EVL: variants seen among roughly 807,000 people sequenced by gnomAD.
EVL encodes the protein Enah/Vasp-like.
A neutral mutation model predicts 59.6 loss-of-function variants in EVL; 21 were observed. The ratio of observed to expected loss-of-function variants is 0.35; its 90% CI spans 0.25 to 0.51. The LOEUF (loss-of-function observed/expected upper bound fraction) is 0.51, where lower values mean the gene tolerates loss of function less well. Among genes scored for constraint, EVL ranks in the 20% least tolerant of loss-of-function variants. The pLI is 0.97. For synonymous variants in EVL, 198 were observed against 203.5 expected, an observed-to-expected ratio of 0.97 and a Z score of 0.23; for missense variants, 462 against 546.6, an observed-to-expected ratio of 0.85 and a Z score of 1.54.
At chr14:100,014,126 A>C (rs989416188) in intron 1 of EVL, among the ~76,000 whole-genome samples, 2 of 152,044 alleles carry the variant, frequency 1.3e-5, no homozygotes, top group Non-Finnish European at 2.9e-5. Flanking sequence ...CTAGCATTTG[A>C]TTCTTATTCA....
intron 2 of EVL, among the ~76,000 whole-genome samples, chr14:100,087,675 T>C (rs1034301380): frequency 2.6e-5 from 4 of 152,108 alleles, no homozygotes; most frequent in East Asian, 1.9e-4. Context: ...GTAGAGTGAA[T>C]TGATAGAAGT....
intron 1 of EVL, among the ~76,000 whole-genome samples, chr14:99,985,565 C>T (rs911333203): frequency 6.9e-4 from 105 of 151,968 alleles, no homozygotes; most frequent in Middle Eastern, 3.4e-3. Context: ...GTCGGGAGTT[C>T]GTGACCAGCA....
chr14:100,137,311 G>T (rs1461637089), intron 9 of EVL: 1 of 531,154 alleles, frequency 1.9e-6, no homozygotes, highest in Non-Finnish European at 3.4e-6. Context: ...TAGTCACTGG[G>T]TCCCTTACCA....
intron 1 of EVL, among the ~76,000 whole-genome samples, chr14:100,042,252 C>T (rs984095691): frequency 6.6e-6 from 1 of 152,196 alleles, no homozygotes; most frequent in Non-Finnish European, 1.5e-5. Context: ...GGTAGTCACA[C>T]ATGGCTTGAG....
chr14:100,053,770 T>G (rs2061683016), intron 1 of EVL, among the ~76,000 whole-genome samples: 1 of 152,196 alleles, frequency 6.6e-6, no homozygotes, highest in African/African-American at 2.4e-5. Context: ...CACCTCAGCC[T>G]CCTGAGTAGC....
intron 4 of EVL, among the ~76,000 whole-genome samples, chr14:100,124,885 G>GAC (rs916567488): frequency 6.6e-6 from 1 of 152,144 alleles, no homozygotes; most frequent in Non-Finnish European, 1.5e-5. Flanking sequence ...AACAGCAGGG[G>GAC]ACACACACAC....
intron 1 of EVL, among the ~76,000 whole-genome samples, chr14:100,041,846 A>G (rs1037908228): frequency 2.6e-5 from 4 of 152,192 alleles, no homozygotes; most frequent in Admixed American, 6.5e-5. Flanking sequence ...AGAAAACCCT[A>G]TCTGAAAGCT....
In EVL at chr14:100,108,872, G is replaced by T. The variant is rs1207074541; in HGVS notation, c.358+11214G>T. Among the ~76,000 whole-genome samples the T allele has an allele frequency of 1.3e-5, 2 of 152,204 alleles. No homozygotes were observed. The highest frequency in any genetic ancestry group is 2.9e-5 in the Non-Finnish European group (2 of 68,040). On this transcript the variant is annotated intron_variant, in intron 3 of 13. Transcript: ENST00000392920. The surrounding 1 kb of genome is among the most constrained non-coding windows in gnomAD (Gnocchi z 4.1). ...CTGCTATTCCCACTGCATGAATCTA[G>T]TCAGGTTGGAAATTCAGAAAGTGGC...
intron 10 of EVL, 45 bp downstream of exon 10, chr14:100,137,689 G>T: frequency 1.2e-6 from 2 of 1,614,022 alleles, no homozygotes; most frequent in Non-Finnish European, 1.7e-6. Context: ...TGGTGGGGCA[G>T]AGGCGGGCGC....
At chr14:100,110,873 G>A (rs982321197) in intron 3 of EVL, among the ~76,000 whole-genome samples, 6 of 152,164 alleles carry the variant, frequency 3.9e-5, no homozygotes, top group African/African-American at 7.2e-5. Context: ...CAGCCCAGGC[G>A]CCATGTGCCC....
intron 4 of EVL, among the ~76,000 whole-genome samples, chr14:100,124,293 A>G (rs1486766995): frequency 1.3e-5 from 2 of 152,056 alleles, no homozygotes; most frequent in Admixed American, 1.3e-4. Flanking sequence ...CTGTGGCTAC[A>G]CTTATGTCCA....
intron 1 of EVL, among the ~76,000 whole-genome samples, chr14:99,996,110 G>A (rs1186547611): frequency 6.6e-6 from 1 of 151,598 alleles, no homozygotes; most frequent in Non-Finnish European, 1.5e-5. Flanking sequence ...AACATTGAAT[G>A]TGTGCTCTAC....
At chr14:100,117,624 C>T (rs1887433237) in intron 3 of EVL, among the ~76,000 whole-genome samples, 1 of 152,206 alleles carries the variant, frequency 6.6e-6, no homozygotes, top group Non-Finnish European at 1.5e-5. Flanking sequence ...GTGGAGCTCA[C>T]AGCAGGATTC....
chr14:100,069,378 T>G (rs145061902), intron 1 of EVL, among the ~76,000 whole-genome samples: 219 of 152,294 alleles, frequency 1.4e-3, no homozygotes, highest in Middle Eastern at 6.8e-3. Flanking sequence ...ATATAAGAAG[T>G]CTCGCACAGC....
At chr14:100,097,429 C>A in intron 2 of EVL, 52 bp from the exon 3 acceptor site, 1 of 1,530,942 alleles carries the variant, frequency 6.5e-7, no homozygotes, top group Non-Finnish European at 8.9e-7. Context: ...CGCCCTCGAG[C>A]TCACTTACAT....
rs2060962321 is a variant in EVL at position 100,003,944 on chromosome 14, C to T, written c.5+31887C>T. Among the ~76,000 whole-genome samples the T allele has an allele frequency of 2.0e-5, 3 of 152,152 alleles. No individual in the cohort carries two copies. The South Asian group carries it at 6.2e-4, about 32-fold the overall frequency. On this transcript the variant is annotated intron_variant, in intron 1 of 13. Coordinates refer to the EVL transcript ENST00000402714. ...TAGAGGACAGATGCGGTGGCTCACA[C>T]CTATAATCCCAGCACTTTGGGAGGC...
At chr14:100,014,094 C>A (rs954064973) in intron 1 of EVL, among the ~76,000 whole-genome samples, 2 of 152,066 alleles carry the variant, frequency 1.3e-5, no homozygotes, top group African/African-American at 4.8e-5. Flanking sequence ...TGACTGTAAT[C>A]ACCCTATTGT....
chr14:100,064,067 CTG>C (rs1459131088), upstream of EVL, among the ~76,000 whole-genome samples: 1 of 152,202 alleles, frequency 6.6e-6, no homozygotes, highest in Non-Finnish European at 1.5e-5. Context: ...TACATCCAAA[CTG>C]TGGTTTGCAA....
At chr14:100,136,047 C>CA in intron 9 of EVL, 79 bp downstream of exon 9, 1 of 1,496,380 alleles carries the variant, frequency 6.7e-7, no homozygotes, top group Non-Finnish European at 9.3e-7. Context: ...ACAGGACCCT[C>CA]TGATCCAGCC....
Sources: gnomAD v4.1 joint callset for allele counts (sites outside exome capture counted in the v4.1 genomes callset) on GRCh38, gnomAD v4.1.1 for gene constraint, Gnocchi (gnomAD v3.1) non-coding constraint, MANE v1.5 for transcripts, NCBI Gene and HGNC (gene_info 2026-07-23, HGNC 2026-07-21) for gene names.